The following FAT3 variants were observed in gnomAD, a reference collection of about 807,000 sequenced individuals.
FAT3 encodes the protein FAT atypical cadherin 3, also known as protocadherin Fat 3.
Under a neutral mutation model 310.2 loss-of-function variants are expected in FAT3, and 95 were observed. The ratio of observed to expected loss-of-function variants is 0.31; its 90% confidence interval spans 0.26 to 0.36. The LOEUF is 0.36. Ranked by LOEUF, FAT3 falls within the 10% of genes least tolerant of loss-of-function variation. The probability of loss-of-function intolerance (pLI) is 1.00; values close to 1 mark genes in which losing one functional copy is unlikely to be tolerated. For synonymous variants in FAT3, 2,314 were observed against 2,192.9 expected, an observed-to-expected ratio of 1.06 and a Z score of -1.54; for missense variants, 5,408 against 5,715.6, an observed-to-expected ratio of 0.95 and a Z score of 1.74.
intron 2 of FAT3, among the ~76,000 whole-genome samples, chr11:92,437,562 T>C (rs1467343175): frequency 1.3e-5 from 2 of 152,140 alleles, no homozygotes; most frequent in African/African-American, 4.8e-5. Flanking sequence ...CAATAAACAT[T>C]GTTATGATGG....
At chr11:92,625,119 A>T (rs1037551475) in intron 3 of FAT3, among the ~76,000 whole-genome samples, 1 of 152,194 alleles carries the variant, frequency 6.6e-6, no homozygotes, top group Non-Finnish European at 1.5e-5. Context: ...GAGACAGAGA[A>T]CACGAGAAAA....
intron 4 of FAT3, among the ~76,000 whole-genome samples, chr11:92,719,129 T>G (rs914445110): frequency 7.2e-5 from 11 of 152,200 alleles, no homozygotes; most frequent in African/African-American, 2.4e-4. Context: ...GAATATTTTA[T>G]AAAGGTACTG....
chr11:92,302,365 G>T (rs1290716243), intron 1 of FAT3, among the ~76,000 whole-genome samples: 1 of 151,952 alleles, frequency 6.6e-6, no homozygotes, highest in African/African-American at 2.4e-5. Flanking sequence ...TTAGTCAGCT[G>T]AAAAACTGGC....
At chr11:92,290,279 C>T (rs995801004) in intron 1 of FAT3, among the ~76,000 whole-genome samples, 1 of 152,110 alleles carries the variant, frequency 6.6e-6, no homozygotes, top group Non-Finnish European at 1.5e-5. Flanking sequence ...AGTCTCCCTC[C>T]TCTAGAATAT....
chr11:92,750,531 G>A (rs920117829), intron 4 of FAT3, among the ~76,000 whole-genome samples: 1 of 152,166 alleles, frequency 6.6e-6, no homozygotes, highest in Non-Finnish European at 1.5e-5. Flanking sequence ...GAGGAAAGCA[G>A]AAACAACAGA....
chr11:92,412,950 A>T (rs896575284), intron 2 of FAT3, among the ~76,000 whole-genome samples: 2 of 151,550 alleles, frequency 1.3e-5, no homozygotes, highest in Non-Finnish European at 2.9e-5. Flanking sequence ...CATCATAGTC[A>T]TCCAACTCCT....
At chr11:92,605,719 GTTTTTTTTTTT>G (rs5793613) in intron 3 of FAT3, among the ~76,000 whole-genome samples, 1 of 99,760 alleles carries the variant, frequency 1.0e-5, no homozygotes, top group African/African-American at 4.2e-5. Context: ...AAATAGCTAT[GTTTTTTTTTTT>G]TTTTTTTTTT....
At chr11:92,705,112 A>G (rs1235352377) in intron 4 of FAT3, among the ~76,000 whole-genome samples, 1 of 152,188 alleles carries the variant, frequency 6.6e-6, no homozygotes, top group East Asian at 1.9e-4. Context: ...GAGTGTTGCC[A>G]GCGTACCTTT....
intron 3 of FAT3, among the ~76,000 whole-genome samples, chr11:92,631,624 A>C (rs1188921908): frequency 3.9e-5 from 6 of 152,130 alleles, no homozygotes; most frequent in Admixed American, 6.6e-5. Context: ...AGGTCTCCCC[A>C]GCCATGCAGA....
intron 3 of FAT3, among the ~76,000 whole-genome samples, chr11:92,650,765 T>G (rs954556490): frequency 3.3e-5 from 5 of 152,206 alleles, no homozygotes; most frequent in Non-Finnish European, 7.3e-5. Flanking sequence ...TGGAGATCAT[T>G]ACTTAGCTCC....
chr11:92,242,031 CA>C (rs969194947), intron 1 of FAT3, among the ~76,000 whole-genome samples: 13 of 152,026 alleles, frequency 8.6e-5, no homozygotes, highest in African/African-American at 2.9e-4. Context: ...GCTTAGGAAC[CA>C]GAAAGAAGGA....
intron 3 of FAT3, among the ~76,000 whole-genome samples, chr11:92,642,273 G>A (rs992119137): frequency 6.6e-6 from 1 of 152,306 alleles, no homozygotes; most frequent in Non-Finnish European, 1.5e-5. Flanking sequence ...GTTCTCCAGT[G>A]CCATGACTCA....
At chr11:92,544,030 A>G (rs552383086) in intron 3 of FAT3, among the ~76,000 whole-genome samples, 13 of 152,298 alleles carry the variant, frequency 8.5e-5, no homozygotes, top group African/African-American at 2.6e-4. Context: ...ATTTGTCAAG[A>G]CAGTAATGAT....
At chr11:92,507,243 A>G (rs534586278) in intron 2 of FAT3, among the ~76,000 whole-genome samples, 1 of 152,262 alleles carries the variant, frequency 6.6e-6, no homozygotes, top group East Asian at 1.9e-4. Context: ...GTGAATGAAA[A>G]TTGGAGAACA....
At chr11:92,389,907 C>T (rs533098040) in intron 2 of FAT3, among the ~76,000 whole-genome samples, 35 of 152,214 alleles carry the variant, frequency 2.3e-4, no homozygotes, top group African/African-American at 7.7e-4. Context: ...TCTGTCTAAT[C>T]AACCAGTGTC....
intron 12 of FAT3, 40 bp downstream of exon 12, chr11:92,806,555 A>G (rs1947512335): frequency 2.7e-6 from 4 of 1,502,684 alleles, no homozygotes; most frequent in Non-Finnish European, 3.6e-6. Flanking sequence ...GTCATTGTTA[A>G]TTCATGAGAG....
At chr11:92,397,497 C>G (rs1364527897) in intron 2 of FAT3, among the ~76,000 whole-genome samples, 2 of 152,148 alleles carry the variant, frequency 1.3e-5, no homozygotes, top group Admixed American at 1.3e-4. Context: ...TCTTTTGAAG[C>G]TTTGGCTGGG....
At chr11:92,357,998 TAA>T (rs1324054781) in intron 2 of FAT3, among the ~76,000 whole-genome samples, 6 of 120,282 alleles carry the variant, frequency 5.0e-5, no homozygotes, top group South Asian at 2.4e-4. Flanking sequence ...GTGGAATTCC[TAA>T]AAAAAAAAAA....
chr11:92,306,624 TTA>T (rs1947132409), intron 1 of FAT3, among the ~76,000 whole-genome samples: 1 of 125,718 alleles, frequency 8.0e-6, no homozygotes, highest in African/African-American at 3.0e-5. Context: ...TATATTTATA[TTA>T]TATTTATATT....
Sources: allele counts gnomAD v4.1 joint callset (sites outside exome capture counted in the v4.1 genomes callset), GRCh38; gene constraint gnomAD v4.1.1; transcripts MANE v1.5; gene names NCBI Gene and HGNC (gene_info 2026-07-23, HGNC 2026-07-21).